Variants in TNIK observed in about 807,000 individuals in gnomAD.
TNIK encodes the protein TRAF2 and NCK-interacting protein kinase.
A neutral mutation model predicts 191.3 loss-of-function variants in TNIK; 49 were observed. That is an observed-to-expected ratio of 0.26 (90% confidence interval 0.20 to 0.32). The LOEUF is 0.32. Ranked by LOEUF, TNIK falls within the 10% of genes least tolerant of loss-of-function variation. The pLI, the probability that TNIK is intolerant of heterozygous loss-of-function variation, is 1.00. For synonymous variants in TNIK, 594 were observed against 600.9 expected (o/e 0.99, Z 0.17); for missense variants, 1,155 against 1,702.3 (o/e 0.68, Z 5.66).
Position 171,157,472 on chromosome 3 carries a change from C to A in TNIK, c.1209G>T (p.Arg403=). 1 of 1,565,008 alleles carries A rather than the reference C, an allele frequency of 6.4e-7. No homozygotes were observed. The highest frequency in any genetic ancestry group is 8.7e-7 in the Non-Finnish European group (1 of 1,155,366). Reference sequence around the variant, plus strand: ...AGCAGGTCCTCACCTCCTCCAGCCGCCGCCTCTGCTCTTTCTGCTCCTCGA... The same window carrying A: ...AGCAGGTCCTCACCTCCTCCAGCCGACGCCTCTGCTCTTTCTGCTCCTCGA... ...KRIEEQKEQR[R]RLEEQQRREK... The change falls in exon 12 of 33, where the codon CGG becomes CGT. Residue 403 remains arginine, a synonymous_variant. Coordinates refer to ENST00000436636, the MANE Select transcript of TNIK (RefSeq NM_015028.4).
At chr3:171,095,261 C>G (rs73035331) in intron 22 of TNIK, among the ~76,000 whole-genome samples, 14,885 of 152,220 alleles carry the variant, frequency 0.098, 815 homozygotes, top group Middle Eastern at 0.16. Flanking sequence ...TGACTGACTG[C>G]TCATAGTGAG....
At position 171,063,115 on chromosome 3, in the gene TNIK, C is replaced by G. The variant is rs1212672093; in HGVS notation, c.*766G>C. On this transcript the variant is annotated 3_prime_UTR_variant, in exon 33 of 33. Transcript: ENST00000436636. ...AACTCAATGGCGTTAGTATCCTGTT[C>G]AACACACTCCATTCTGTAAAGGGCC... 6.6e-6 allele frequency: 1 copy of G among 152,166 alleles called. No homozygotes were observed. Among genetic ancestry groups the G allele is most frequent in the Admixed American group, 6.5e-5 (1 of 15,282 alleles). 9.4% of individuals were successfully genotyped at this position (152,166 alleles called of 1,614,324 possible). A position where few individuals can be genotyped will look rare whatever the true frequency, so the allele number is the denominator to read the frequency against.
chr3:171,432,277 C>G (rs561714562), intron 1 of TNIK, among the ~76,000 whole-genome samples: 1 of 151,838 alleles, frequency 6.6e-6, no homozygotes, highest in African/African-American at 2.4e-5. Flanking sequence ...TTTCAAAAGA[C>G]GGATACAAAA....
intron 18 of TNIK, among the ~76,000 whole-genome samples, chr3:171,115,776 G>C (rs1726591468): frequency 1.3e-5 from 2 of 152,218 alleles, no homozygotes; most frequent in Admixed American, 6.5e-5. Context: ...CAGTACACGT[G>C]AACGACTGAC....
intron 2 of TNIK, among the ~76,000 whole-genome samples, chr3:171,257,288 T>C (rs1747001343): frequency 6.6e-6 from 1 of 152,196 alleles, no homozygotes. Context: ...AATGATTCCA[T>C]GTAACTGGCC....
chr3:171,423,681 T>C (rs985055195), intron 1 of TNIK, among the ~76,000 whole-genome samples: 7 of 152,096 alleles, frequency 4.6e-5, no homozygotes, highest in Non-Finnish European at 1.5e-5. Context: ...TAATGCCACA[T>C]ATCTATGACT....
At chr3:171,391,080 T>C (rs1324701980) in intron 1 of TNIK, among the ~76,000 whole-genome samples, 1 of 152,234 alleles carries the variant, frequency 6.6e-6, no homozygotes, top group Non-Finnish European at 1.5e-5. Flanking sequence ...TGAGGCACTT[T>C]TCCAGTACTA....
chr3:171,067,455 C>T (rs1015589494), intron 30 of TNIK, among the ~76,000 whole-genome samples: 2 of 151,626 alleles, frequency 1.3e-5, no homozygotes, highest in African/African-American at 2.4e-5. Flanking sequence ...CGGATCACGA[C>T]GTCAGGAGAT....
chr3:171,373,729 A>G (rs12487226), intron 1 of TNIK, among the ~76,000 whole-genome samples: 85,629 of 151,986 alleles, frequency 0.56, 24,340 homozygotes, highest in East Asian at 0.75. Flanking sequence ...CATGTCCCTC[A>G]TGTCCCTAAC....
At chr3:171,195,492 G>C (rs1214017766) in intron 4 of TNIK, among the ~76,000 whole-genome samples, 1 of 152,078 alleles carries the variant, frequency 6.6e-6, no homozygotes, top group Non-Finnish European at 1.5e-5. Context: ...TAGTAGTAGA[G>C]ACAGAACTAA....
chr3:171,207,234 A>G (rs1409169757), intron 4 of TNIK, among the ~76,000 whole-genome samples: 1 of 151,990 alleles, frequency 6.6e-6, no homozygotes, highest in African/African-American at 2.4e-5. Context: ...TCTATTTCCA[A>G]TTTTTTCAGA....
intron 7 of TNIK, among the ~76,000 whole-genome samples, chr3:171,179,750 T>C (rs945968348): frequency 3.3e-5 from 5 of 152,284 alleles, no homozygotes; most frequent in African/African-American, 1.2e-4. Context: ...GTGCCCGGCC[T>C]GTACCTGGGG....
chr3:171,204,881 A>G (rs1260451479), intron 4 of TNIK, among the ~76,000 whole-genome samples: 1 of 152,206 alleles, frequency 6.6e-6, no homozygotes, highest in Non-Finnish European at 1.5e-5. Context: ...GCTTGGGGTT[A>G]GCTAGCATGC....
intron 8 of TNIK, among the ~76,000 whole-genome samples, chr3:171,176,829 CTGAGAT>C (rs1375235359): frequency 6.6e-6 from 1 of 152,248 alleles, no homozygotes; most frequent in Non-Finnish European, 1.5e-5. Context: ...TCTCAAGGAA[CTGAGAT>C]TCTCAAGACT....
At chr3:171,150,937 C>A (rs1459764381) in intron 12 of TNIK, among the ~76,000 whole-genome samples, 1 of 152,078 alleles carries the variant, frequency 6.6e-6, no homozygotes, top group Non-Finnish European at 1.5e-5. Context: ...ATAGACAGCA[C>A]CATTAAAATG....
At chr3:171,070,188 A>T (rs1337661949) in intron 29 of TNIK, among the ~76,000 whole-genome samples, 1 of 152,146 alleles carries the variant, frequency 6.6e-6, no homozygotes. Flanking sequence ...ATTTTTTTCC[A>T]TAAAAGTGAG....
At chr3:171,436,092 T>C (rs979384199) in intron 1 of TNIK, among the ~76,000 whole-genome samples, 4 of 152,206 alleles carry the variant, frequency 2.6e-5, no homozygotes, top group Non-Finnish European at 5.9e-5. Flanking sequence ...TTGCTTTAAG[T>C]TATTTCAGCT....
intron 22 of TNIK, among the ~76,000 whole-genome samples, chr3:171,099,064 A>G (rs1723097172): frequency 6.6e-6 from 1 of 152,180 alleles, no homozygotes; most frequent in Non-Finnish European, 1.5e-5. Flanking sequence ...CACCATCAGC[A>G]TTCCATGATA....
intron 2 of TNIK, among the ~76,000 whole-genome samples, chr3:171,268,837 G>T (rs933073019): frequency 6.6e-6 from 1 of 152,200 alleles, no homozygotes; most frequent in African/African-American, 2.4e-5. Context: ...TGCCAGTGAA[G>T]TTACAGTTGG....
Sources: gnomAD v4.1 joint callset for allele counts (sites outside exome capture counted in the v4.1 genomes callset) on GRCh38, gnomAD v4.1.1 for gene constraint, MANE v1.5 for transcripts, NCBI Gene and HGNC (gene_info 2026-07-23, HGNC 2026-07-21) for gene names.